The following CNTN5 variants were observed in gnomAD, a reference collection of about 807,000 sequenced individuals.
The protein encoded by CNTN5 is contactin-5.
In CNTN5, 77 loss-of-function variants were observed where a neutral mutation model predicts 129.1. That is an observed-to-expected ratio of 0.60 (90% CI 0.50 to 0.72). The LOEUF (loss-of-function observed/expected upper bound fraction) is 0.72, where lower values mean the gene tolerates loss of function less well. Ranked by LOEUF, CNTN5 falls within the 30% of genes least tolerant of loss-of-function variation. The pLI, the probability that CNTN5 is intolerant of heterozygous loss-of-function variation, is 0.00. For missense variants in CNTN5, 1,478 were observed against 1,328.8 expected, an observed-to-expected ratio of 1.11 and a Z score of -1.75; for synonymous variants, 509 against 465.6, an observed-to-expected ratio of 1.09 and a Z score of -1.20.
chr11:100,037,993 A>C (rs1081354), intron 9 of CNTN5, among the ~76,000 whole-genome samples: 1 of 151,380 alleles, frequency 6.6e-6, no homozygotes, highest in Non-Finnish European at 1.5e-5. Context: ...TCTTAGTTAT[A>C]TCTTGCCTTC....
At chr11:99,215,972 A>C (rs1860095298) in intron 1 of CNTN5, among the ~76,000 whole-genome samples, 1 of 152,170 alleles carries the variant, frequency 6.6e-6, no homozygotes, top group African/African-American at 2.4e-5. Flanking sequence ...GTAATGATCA[A>C]ATCAGTATCC....
At chr11:100,322,786 AT>A (rs1445029007) in intron 21 of CNTN5, among the ~76,000 whole-genome samples, 1 of 151,982 alleles carries the variant, frequency 6.6e-6, no homozygotes, top group Non-Finnish European at 1.5e-5. Context: ...CTGTTTTACT[AT>A]TTGGTGCCAT....
At chr11:100,318,455 C>A (rs912272772) in intron 21 of CNTN5, among the ~76,000 whole-genome samples, 9 of 151,992 alleles carry the variant, frequency 5.9e-5, no homozygotes, top group Admixed American at 3.3e-4. Flanking sequence ...ATGTAGAGAG[C>A]AATTTATTTA....
chr11:99,328,392 G>T (rs898987489), intron 2 of CNTN5, among the ~76,000 whole-genome samples: 7 of 152,108 alleles, frequency 4.6e-5, no homozygotes, highest in African/African-American at 1.7e-4. Context: ...AGATGGAACA[G>T]TTCCACACAA....
At chr11:99,312,904 G>C (rs1308071279) in intron 1 of CNTN5, among the ~76,000 whole-genome samples, 1 of 151,792 alleles carries the variant, frequency 6.6e-6, no homozygotes, top group Admixed American at 6.6e-5. Context: ...ATTAAAAAGT[G>C]AAGGAGACAA....
rs544438219 is a variant in CNTN5 at position 100,025,237 on chromosome 11, C to A, written c.980+23101C>A. 2.7e-3 allele frequency among the ~76,000 whole-genome samples: 412 copies of A among 152,332 alleles called. 2 individuals carry two copies. The highest frequency in any genetic ancestry group is 0.023 in the South Asian group (109 of 4,826). ...GCTCAGATCATTGTTTCAGAGGGTG[C>A]AAACCCCAAGCCTTGGTGGCTTACA... On this transcript the variant is annotated intron_variant, in intron 9 of 24. Transcript: ENST00000524871.
chr11:99,481,970 A>C (rs1409914860), intron 2 of CNTN5, among the ~76,000 whole-genome samples: 1 of 152,222 alleles, frequency 6.6e-6, no homozygotes, highest in Non-Finnish European at 1.5e-5. Flanking sequence ...AAATGTTATA[A>C]GAATGATTTA....
intron 13 of CNTN5, among the ~76,000 whole-genome samples, chr11:100,188,061 A>G (rs1224927418): frequency 6.6e-6 from 1 of 152,190 alleles, no homozygotes; most frequent in East Asian, 1.9e-4. Flanking sequence ...AATATCCAGA[A>G]TCTATGAGGA....
At chr11:99,115,038 AG>A (rs1857978719) in intron 1 of CNTN5, among the ~76,000 whole-genome samples, 2 of 152,128 alleles carry the variant, frequency 1.3e-5, no homozygotes, top group South Asian at 4.1e-4. Flanking sequence ...ACACTGGAAA[AG>A]GGGTCTTTTT....
intron 7 of CNTN5, among the ~76,000 whole-genome samples, chr11:99,956,031 G>A (rs754918797): frequency 8.6e-5 from 13 of 151,872 alleles, no homozygotes; most frequent in Non-Finnish European, 1.6e-4. Flanking sequence ...TATTTAAATG[G>A]TGCAGGTAGA....
intron 3 of CNTN5, among the ~76,000 whole-genome samples, chr11:99,781,060 A>G (rs1179463098): frequency 1.3e-5 from 2 of 152,090 alleles, no homozygotes; most frequent in African/African-American, 2.4e-5. Flanking sequence ...TACTCCTGCA[A>G]ATTCCAAATT....
At chr11:99,888,177 C>G (rs955570213) in intron 6 of CNTN5, among the ~76,000 whole-genome samples, 11 of 152,148 alleles carry the variant, frequency 7.2e-5, no homozygotes, top group Admixed American at 5.9e-4. Flanking sequence ...TCATTATCAT[C>G]GTTCCATGCA....
chr11:100,309,273 CT>C, intron 21 of CNTN5: 1 of 983,974 alleles, frequency 1.0e-6, no homozygotes, highest in Non-Finnish European at 1.2e-6. Flanking sequence ...CATCTTGTGT[CT>C]TGAACAATGA....
At chr11:99,311,843 G>A (rs1355706680) in intron 1 of CNTN5, among the ~76,000 whole-genome samples, 1 of 152,136 alleles carries the variant, frequency 6.6e-6, no homozygotes, top group African/African-American at 2.4e-5. Flanking sequence ...AGCCCCAGAA[G>A]ATGATTAAGA....
In CNTN5 at chr11:99,681,338, A is replaced by T. The variant is rs544861446; in HGVS notation, c.55+125069A>T. ...AGCATAGCATTCTACACTACTAAGA[A>T]TTTTTTTGTGAAAGGAAGAGACAAA... On this transcript the variant is annotated intron_variant, in intron 3 of 24. Coordinates refer to ENST00000524871, the MANE Select transcript of CNTN5 (RefSeq NM_014361.4). 4.2e-5 allele frequency among the ~76,000 whole-genome samples: 6 copies of T among 143,852 alleles called. No homozygotes were observed. In the South Asian group the frequency reaches 1.2e-3, roughly 30 times the overall value. 94.4% of individuals were successfully genotyped at this position (143,852 alleles called of 152,430 possible).
intron 1 of CNTN5, among the ~76,000 whole-genome samples, chr11:99,179,521 C>T (rs1400664123): frequency 6.6e-6 from 1 of 152,030 alleles, no homozygotes; most frequent in Non-Finnish European, 1.5e-5. Context: ...ACTAGTTTTA[C>T]CTAGTTCATA....
intron 8 of CNTN5, among the ~76,000 whole-genome samples, chr11:99,975,442 G>A (rs1483010273): frequency 6.6e-6 from 1 of 152,116 alleles, no homozygotes. Flanking sequence ...TTTTAAGGTA[G>A]TTTTGGCAAA....
At chr11:99,619,988 T>G (rs682721) in intron 3 of CNTN5, among the ~76,000 whole-genome samples, 63,120 of 143,688 alleles carry the variant, frequency 0.44, 14,304 homozygotes, top group Admixed American at 0.58. Context: ...ATCGTGCCAC[T>G]GCACTCCAGC....
chr11:99,722,655 G>A (rs916521710), intron 3 of CNTN5, among the ~76,000 whole-genome samples: 2 of 152,060 alleles, frequency 1.3e-5, no homozygotes, highest in Non-Finnish European at 2.9e-5. Flanking sequence ...ATTTAAGGAA[G>A]TTCTAGTCAA....
Sources: allele counts gnomAD v4.1 joint callset (sites outside exome capture counted in the v4.1 genomes callset), GRCh38; gene constraint gnomAD v4.1.1; transcripts MANE v1.5; gene names NCBI Gene and HGNC (gene_info 2026-07-23, HGNC 2026-07-21).